Variants in LOXHD1 observed in about 807,000 individuals in gnomAD.
LOXHD1 encodes lipoxygenase homology PLAT domains 1.
Under a neutral mutation model 248.2 loss-of-function variants are expected in LOXHD1, and 205 were observed. That is an observed-to-expected ratio of 0.83 (90% CI 0.74 to 0.93). The LOEUF is 0.93. Ranked by LOEUF, LOXHD1 falls within the 40% of genes least tolerant of loss-of-function variation. The pLI, the probability that LOXHD1 is intolerant of heterozygous loss-of-function variation, is 0.00. For synonymous variants in LOXHD1, 1,113 were observed against 1,162.8 expected, an observed-to-expected ratio of 0.96 and a Z score of 0.87; for missense variants, 2,930 against 2,971.6, an observed-to-expected ratio of 0.99 and a Z score of 0.33.
intron 14 of LOXHD1, among the ~76,000 whole-genome samples, chr18:46,575,765 T>C (rs1401534686): frequency 6.6e-6 from 1 of 152,170 alleles, no homozygotes; most frequent in Non-Finnish European, 1.5e-5. Flanking sequence ...ACCCAGTCTG[T>C]GCACTTTGTT....
At chr18:46,652,485 A>C (rs2039124402) in intron 1 of LOXHD1, among the ~76,000 whole-genome samples, 1 of 152,208 alleles carries the variant, frequency 6.6e-6, no homozygotes, top group Non-Finnish European at 1.5e-5. Flanking sequence ...TTATCAGGGA[A>C]ATGCAAATTA....
rs1490303356 is a variant in LOXHD1, at chr18:46,601,246, C to A, written c.1105G>T (p.Gly369Cys). 1.3e-6 allele frequency: 2 copies of A among 1,551,618 alleles called. No individual in the cohort carries two copies. Among genetic ancestry groups the A allele is most frequent in the Non-Finnish European group, 8.7e-7 (1 of 1,146,950 alleles). Reference protein sequence around the residue: ...SRVSVGHGNVGVNRGWFCEKV... With the variant: ...SRVSVGHGNVCVNRGWFCEKV... Reference sequence around the variant, plus strand: ...TCACAGAACCAGCCTCTGTTGACACCCACATTGCCATGCCCGACGGAGACC... The same window carrying A: ...TCACAGAACCAGCCTCTGTTGACACACACATTGCCATGCCCGACGGAGACC... The change falls in exon 8 of 41, where the codon GGT (glycine) becomes TGT (cysteine). Residue 369 changes from glycine to cysteine, a missense_variant. Coordinates refer to ENST00000642948, the MANE Select transcript of LOXHD1 (RefSeq NM_001384474.1).
At chr18:46,531,030 AT>A (rs2036042362) in intron 28 of LOXHD1, among the ~76,000 whole-genome samples, 1 of 151,920 alleles carries the variant, frequency 6.6e-6, no homozygotes. Flanking sequence ...GCAAACTCAC[AT>A]GTTCAAACCT....
intron 37 of LOXHD1, among the ~76,000 whole-genome samples, chr18:46,495,284 T>TA (rs1191688385): frequency 6.6e-6 from 1 of 152,248 alleles, no homozygotes; most frequent in African/African-American, 2.4e-5. Flanking sequence ...TTCAGTATTA[T>TA]AAAAGCTATC....
intron 12 of LOXHD1, among the ~76,000 whole-genome samples, chr18:46,586,040 C>T (rs1007175503): frequency 4.6e-5 from 7 of 152,160 alleles, no homozygotes; most frequent in South Asian, 2.1e-4. Context: ...TTTGGTACAT[C>T]GATACAATGG....
intron 12 of LOXHD1, among the ~76,000 whole-genome samples, chr18:46,581,406 G>A (rs2037958971): frequency 6.6e-6 from 1 of 152,136 alleles, no homozygotes; most frequent in Admixed American, 6.5e-5. Flanking sequence ...TAAGGAGTAG[G>A]GGAGTCTTGG....
chr18:46,635,845 T>G (rs2144367064), intron 4 of LOXHD1, among the ~76,000 whole-genome samples: 1 of 152,228 alleles, frequency 6.6e-6, no homozygotes, highest in East Asian at 1.9e-4. Context: ...CAGGCAAAAC[T>G]CTTGAAGATG....
At chr18:46,508,564 A>G (rs935573084) in intron 35 of LOXHD1, among the ~76,000 whole-genome samples, 5 of 152,176 alleles carry the variant, frequency 3.3e-5, no homozygotes, top group Non-Finnish European at 1.5e-5. Flanking sequence ...CCTCTATGAC[A>G]GTGAGGGAGT....
intron 4 of LOXHD1, among the ~76,000 whole-genome samples, chr18:46,625,999 C>T (rs2038737194): frequency 6.6e-6 from 1 of 152,220 alleles, no homozygotes; most frequent in South Asian, 2.1e-4. Flanking sequence ...GAATGTCACC[C>T]AGCCTTCCTG....
rs2144134166 is a variant in LOXHD1, at chr18:46,577,768, TG to T, written c.1908del (p.Asp636GlufsTer5). 1.3e-6 allele frequency: 2 copies of T among 1,551,694 alleles called. No individual in the cohort carries two copies. Among genetic ancestry groups the T allele is most frequent in the Non-Finnish European group, 1.7e-6 (2 of 1,146,992 alleles). On this transcript the variant is annotated frameshift_variant, in exon 14 of 41. Coordinates refer to ENST00000642948, the MANE Select transcript of LOXHD1 (RefSeq NM_001384474.1). LOFTEE classifies it high-confidence loss of function. ...GKGSGSGWYL[D>X]RVLVREEGQP... ...TGCCCCTCCTCTCTCACCAGCACTCTGTCCAGGTACCAGCCGCTGCCGGAGC... is the reference window on the plus strand; with the variant it reads ...TGCCCCTCCTCTCTCACCAGCACTCTTCCAGGTACCAGCCGCTGCCGGAGC...
chr18:46,506,287 A>G (rs1046766899), intron 36 of LOXHD1, among the ~76,000 whole-genome samples: 8 of 151,972 alleles, frequency 5.3e-5, no homozygotes, highest in Non-Finnish European at 1.2e-4. Flanking sequence ...TTAGTACAAA[A>G]CTCATCTATT....
At position 46,597,332 on chromosome 18, in the gene LOXHD1, A is replaced by G. The variant is rs2038271634; in HGVS notation, c.1135-2866T>C. Among the ~76,000 whole-genome samples the G allele has an allele frequency of 3.9e-5, 6 of 152,220 alleles. No individual in the cohort carries two copies. The South Asian group carries it at 1.2e-3, about 32-fold the overall frequency. ...AAGAAACAGTAAAAGCAGAACAGATATATCAGTAATTACAATAAATATAAG... is the reference window on the plus strand; with the variant it reads ...AAGAAACAGTAAAAGCAGAACAGATGTATCAGTAATTACAATAAATATAAG... On this transcript the variant is annotated intron_variant, in intron 8 of 40. Transcript: ENST00000642948.
chr18:46,567,098 T>C (rs1265807020), intron 16 of LOXHD1, among the ~76,000 whole-genome samples: 1 of 152,224 alleles, frequency 6.6e-6, no homozygotes. Context: ...TAGAGGGGAG[T>C]GCAGATGATC....
chr18:46,521,088 C>A lies in LOXHD1; in HGVS notation c.5271+9G>T. ...GCCATGCACTGCACACTCACAGTGC[C>A]CCCCCTACCTTCACCCCAATGTTCA... is the stretch of plus-strand genomic sequence containing the variant. On this transcript the variant is annotated intron_variant, in intron 33 of 40. Transcript: ENST00000642948. The A allele has an allele frequency of 2.6e-6, 4 of 1,551,240 alleles. No homozygotes were observed. Among genetic ancestry groups the A allele is most frequent in the South Asian group, 2.4e-5 (2 of 84,000 alleles).
intron 12 of LOXHD1, among the ~76,000 whole-genome samples, chr18:46,590,438 A>G (rs2038145259): frequency 6.6e-6 from 1 of 152,168 alleles, no homozygotes; most frequent in African/African-American, 2.4e-5. Context: ...AGTTAGTTAA[A>G]AGGGTTTCAA....
At chr18:46,502,935 G>C (rs1189749636) in intron 37 of LOXHD1, among the ~76,000 whole-genome samples, 1 of 152,120 alleles carries the variant, frequency 6.6e-6, no homozygotes, top group Non-Finnish European at 1.5e-5. Flanking sequence ...TCCTTCCCAG[G>C]GTTCTAATTC....
intron 6 of LOXHD1, among the ~76,000 whole-genome samples, chr18:46,604,791 A>G (rs1456587573): frequency 6.6e-6 from 1 of 152,230 alleles, no homozygotes; most frequent in African/African-American, 2.4e-5. Flanking sequence ...TGAGGCTGAG[A>G]TAAGTGTGCC....
intron 1 of LOXHD1, among the ~76,000 whole-genome samples, chr18:46,649,863 T>G (rs2039085860): frequency 6.6e-6 from 1 of 152,150 alleles, no homozygotes; most frequent in Admixed American, 6.5e-5. Flanking sequence ...ATCAGTACAA[T>G]TATAGCCCTA....
At chr18:46,610,560 A>G (rs1033706284) in intron 6 of LOXHD1, among the ~76,000 whole-genome samples, 12 of 152,170 alleles carry the variant, frequency 7.9e-5, no homozygotes, top group Admixed American at 5.2e-4. Context: ...GAGAGAGGAA[A>G]AAAAGAGAAA....
Sources: allele counts gnomAD v4.1 joint callset (sites outside exome capture counted in the v4.1 genomes callset), GRCh38; gene constraint gnomAD v4.1.1; transcripts MANE v1.5; gene names NCBI Gene and HGNC (gene_info 2026-07-23, HGNC 2026-07-21).